The following ANO4 variants were observed in gnomAD, a reference collection of about 807,000 sequenced individuals.
ANO4 encodes the protein anoctamin 4, also known as anoctamin-4.
In ANO4, 69 loss-of-function variants were observed where a neutral mutation model predicts 141.9. The ratio of observed to expected loss-of-function variants is 0.49; its 90% CI spans 0.40 to 0.59. The LOEUF (loss-of-function observed/expected upper bound fraction) is 0.59. Among genes scored for constraint, ANO4 ranks in the 20% least tolerant of loss-of-function variants. ANO4 has a pLI of 0.00. For missense variants in ANO4, 894 were observed against 1,162.2 expected, an observed-to-expected ratio of 0.77 and a Z score of 3.36; for synonymous variants, 350 against 394.3, an observed-to-expected ratio of 0.89 and a Z score of 1.33.
At chr12:100,951,915 A>G (rs1464090180) in intron 5 of ANO4, among the ~76,000 whole-genome samples, 1 of 152,136 alleles carries the variant, frequency 6.6e-6, no homozygotes, top group Admixed American at 6.5e-5. Flanking sequence ...TCTAGCCTCT[A>G]CCCACTAGAT....
At chr12:101,025,927 A>C (rs545971245) in intron 9 of ANO4, among the ~76,000 whole-genome samples, 1 of 152,326 alleles carries the variant, frequency 6.6e-6, no homozygotes, top group East Asian at 1.9e-4. Context: ...TATCTTCCTC[A>C]ACCTCATAAA....
At chr12:101,038,975 C>T (rs2047309610) in intron 10 of ANO4, 1 of 152,084 alleles carries the variant, frequency 6.6e-6, no homozygotes, top group South Asian at 2.1e-4. Context: ...ATTAGCTTGC[C>T]TCCAGAAAGT....
chr12:100,898,906 A>G (rs1217022483), intron 1 of ANO4, among the ~76,000 whole-genome samples: 3 of 152,142 alleles, frequency 2.0e-5, no homozygotes, highest in African/African-American at 7.2e-5. Flanking sequence ...AGCTGTTTGC[A>G]TTCTTCTGGA....
intron 1 of ANO4, chr12:100,717,587 G>T: frequency 2.5e-6 from 1 of 400,026 alleles, no homozygotes; most frequent in Non-Finnish European, 4.4e-6. Context: ...CGGCGGGGCG[G>T]AAGGGAGGGG....
chr12:100,787,309 G>A (rs1033270128), intron 3 of ANO4, among the ~76,000 whole-genome samples: 2 of 152,166 alleles, frequency 1.3e-5, no homozygotes, highest in African/African-American at 4.8e-5. Flanking sequence ...GGAGGGCAGG[G>A]AAAAGAAAGT....
At position 101,072,065 on chromosome 12, in the gene ANO4, T is replaced by G. The variant is rs184631959; in HGVS notation, c.1313-7128T>G. Among the ~76,000 whole-genome samples, 662 of 152,256 alleles carry G rather than the reference T, an allele frequency of 4.3e-3. 4 individuals carry two copies. Among genetic ancestry groups the G allele is most frequent in the African/African-American group, 0.015 (630 of 41,554 alleles). ...CCTATATTAGTTAGGATGAGTAAAGTTAGCTGCTATAATACACAAACATCA... is the reference window on the plus strand; with the variant it reads ...CCTATATTAGTTAGGATGAGTAAAGGTAGCTGCTATAATACACAAACATCA... On this transcript the variant is annotated intron_variant, in intron 14 of 27. Transcript: ENST00000392977.
rs1566289925 is a variant in ANO4 at position 101,128,433 on chromosome 12, G to A, written c.*577G>A. The A allele has an allele frequency of 6.6e-6, 1 of 152,420 alleles. No individual in the cohort carries two copies. The highest frequency in any genetic ancestry group is 2.4e-5 in the African/African-American group (1 of 41,354). 9.4% of individuals were successfully genotyped at this position (152,420 alleles called of 1,614,324 possible). A position where few individuals can be genotyped will look rare whatever the true frequency, so the allele number is the denominator to read the frequency against. On this transcript the variant is annotated 3_prime_UTR_variant, in exon 28 of 28. Coordinates refer to ENST00000392977, the MANE Select transcript of ANO4 (RefSeq NM_001286615.2). ...TAGATGTATTTCTGTGTGTACATAT[G>A]TATAGTCATGTATTCCTGCATATGT...
At chr12:101,002,569 C>T (rs1348285657) in intron 8 of ANO4, among the ~76,000 whole-genome samples, 1 of 152,178 alleles carries the variant, frequency 6.6e-6, no homozygotes, top group East Asian at 1.9e-4. Context: ...ACTATTTTTC[C>T]TCTTCCCAAG....
intron 3 of ANO4, among the ~76,000 whole-genome samples, chr12:100,764,124 A>G (rs1396764584): frequency 6.6e-6 from 1 of 152,230 alleles, no homozygotes; most frequent in Non-Finnish European, 1.5e-5. Context: ...GAGCTTGAAT[A>G]TCTTCTGCTA....
chr12:100,824,692 C>G (rs924371683), intron 1 of ANO4, among the ~76,000 whole-genome samples: 2 of 151,926 alleles, frequency 1.3e-5, no homozygotes, highest in African/African-American at 2.4e-5. Context: ...ACATTGGCAG[C>G]CAGTGGGGAA....
At chr12:101,113,260 C>CA (rs1255199232) in intron 24 of ANO4, among the ~76,000 whole-genome samples, 2 of 152,132 alleles carry the variant, frequency 1.3e-5, no homozygotes, top group Non-Finnish European at 2.9e-5. Flanking sequence ...AGTTCTTTCC[C>CA]AAATTCAAAT....
At chr12:100,904,796 G>A (rs531601697) in intron 2 of ANO4, among the ~76,000 whole-genome samples, 18 of 152,282 alleles carry the variant, frequency 1.2e-4, no homozygotes, top group Non-Finnish European at 2.4e-4. Flanking sequence ...TATAGACTAT[G>A]GGGAGAATAG....
chr12:100,852,457 T>A (rs535515123), intron 1 of ANO4: 1 of 152,342 alleles, frequency 6.6e-6, no homozygotes, highest in East Asian at 1.9e-4. Context: ...TAAACATGTA[T>A]GTGGCTATCA....
chr12:100,792,918 A>C (rs545394448), upstream of ANO4, among the ~76,000 whole-genome samples: 8 of 152,342 alleles, frequency 5.3e-5, no homozygotes, highest in African/African-American at 1.9e-4. Context: ...TCATATATTA[A>C]TTCGATTTCA....
intron 3 of ANO4, among the ~76,000 whole-genome samples, chr12:100,924,058 A>T (rs1188657946): frequency 1.3e-5 from 2 of 151,926 alleles, no homozygotes; most frequent in Admixed American, 6.6e-5. Flanking sequence ...AGATGGGTAG[A>T]TTGTGAAAAT....
intron 21 of ANO4, among the ~76,000 whole-genome samples, chr12:101,098,745 T>G (rs1213304903): frequency 1.3e-5 from 2 of 152,200 alleles, no homozygotes; most frequent in African/African-American, 2.4e-5. Flanking sequence ...TAAATCACAA[T>G]TAAAATGTCA....
chr12:100,971,134 C>T (rs1199722085), intron 5 of ANO4, among the ~76,000 whole-genome samples, 172 bp from the exon 6 acceptor site: 1 of 152,218 alleles, frequency 6.6e-6, no homozygotes, highest in Non-Finnish European at 1.5e-5. Context: ...GCCACACACA[C>T]AGTGGGATGT....
At chr12:101,088,020 T>C (rs1028311621) in intron 17 of ANO4, among the ~76,000 whole-genome samples, 14 of 152,164 alleles carry the variant, frequency 9.2e-5, no homozygotes, top group African/African-American at 3.4e-4. Context: ...TCAGTTCACA[T>C]GGCTCCTGTG....
chr12:100,997,450 C>T (rs979648308), intron 8 of ANO4, among the ~76,000 whole-genome samples: 24 of 151,424 alleles, frequency 1.6e-4, no homozygotes, highest in Admixed American at 1.6e-3. Context: ...TAAGCCTGTG[C>T]ATGTGAAGAC....
Sources: gnomAD v4.1 joint callset for allele counts (sites outside exome capture counted in the v4.1 genomes callset) on GRCh38, gnomAD v4.1.1 for gene constraint, MANE v1.5 for transcripts, NCBI Gene and HGNC (gene_info 2026-07-23, HGNC 2026-07-21) for gene names.